ITGB5: variants seen among roughly 807,000 people sequenced by gnomAD.
ITGB5 encodes integrin beta-5.
Under a neutral mutation model 84.8 loss-of-function variants are expected in ITGB5, and 38 were observed. The ratio of observed to expected loss-of-function variants is 0.45; its 90% CI spans 0.35 to 0.59. The LOEUF (loss-of-function observed/expected upper bound fraction) is 0.59, where lower values mean the gene tolerates loss of function less well. Ranked by LOEUF, ITGB5 falls within the 20% of genes least tolerant of loss-of-function variation. The pLI, the probability that ITGB5 is intolerant of heterozygous loss-of-function variation, is 0.01. For synonymous variants in ITGB5, 393 were observed against 414.4 expected (o/e 0.95, Z 0.63); for missense variants, 905 against 1,034.5 (o/e 0.87, Z 1.72).
intron 9 of ITGB5, among the ~76,000 whole-genome samples, chr3:124,807,724 TC>T (rs1279123439): frequency 2.6e-5 from 4 of 151,406 alleles, no homozygotes; most frequent in African/African-American, 9.7e-5. Context: ...GGCGGGTGGA[TC>T]ATGAGGTCAG....
rs995689278 is a variant in ITGB5 at position 124,762,054 on chromosome 3, T to C, written c.*1569A>G. On this transcript the variant is annotated 3_prime_UTR_variant, in exon 15 of 15. Transcript: ENST00000296181. ...ATTTGGCTTTATCCCAAAAAGGGTT[T>C]AACAGTGTCACCAAGTTACCAGGTC... is the stretch of plus-strand genomic sequence containing the variant. The C allele has an allele frequency of 1.1e-4, 17 of 152,192 alleles. No homozygotes were observed. The highest frequency in any genetic ancestry group is 3.9e-4 in the African/African-American group (16 of 41,438). 9.4% of individuals were successfully genotyped at this position (152,192 alleles called of 1,614,324 possible). A position where few individuals can be genotyped will look rare whatever the true frequency, so the allele number is the denominator to read the frequency against.
intron 3 of ITGB5, among the ~76,000 whole-genome samples, chr3:124,848,975 T>C (rs2065115714): frequency 6.6e-6 from 1 of 152,084 alleles, no homozygotes; most frequent in South Asian, 2.1e-4. Flanking sequence ...AGACGGGGTT[T>C]CACTATGTTG....
At chr3:124,827,787 C>T (rs1229374365) in intron 5 of ITGB5, among the ~76,000 whole-genome samples, 2 of 152,150 alleles carry the variant, frequency 1.3e-5, no homozygotes, top group African/African-American at 2.4e-5. Flanking sequence ...TGATGACATT[C>T]CACCACAAAA....
At chr3:124,777,609 C>T (rs1189794293) in intron 10 of ITGB5, among the ~76,000 whole-genome samples, 5 of 152,194 alleles carry the variant, frequency 3.3e-5, no homozygotes, top group African/African-American at 7.2e-5. Flanking sequence ...TGGCAGGCAT[C>T]GCTGTCTCCT....
intron 4 of ITGB5, among the ~76,000 whole-genome samples, chr3:124,846,374 A>T (rs1250305137): frequency 3.3e-5 from 5 of 151,096 alleles, no homozygotes; most frequent in African/African-American, 1.2e-4. Context: ...GAGTTACTGC[A>T]TGGAGAGCTG....
intron 14 of ITGB5, 58 bp from the exon 15 acceptor site, chr3:124,763,776 G>C: frequency 1.0e-6 from 1 of 996,154 alleles, no homozygotes; most frequent in East Asian, 2.4e-5. Flanking sequence ...CACTCAAACC[G>C]ACAGACGCAG....
chr3:124,826,969 T>G lies in ITGB5; in HGVS notation c.781-5495A>C, dbSNP rs552139857. ...GCTTGGAGGCTTTACAAGTGGTGAC[T>G]CCACAGAGTATTTACATTAAAAATA... On this transcript the variant is annotated intron_variant, in intron 5 of 14. Transcript: ENST00000296181. Among the ~76,000 whole-genome samples, 10 of 152,352 alleles carry G rather than the reference T, an allele frequency of 6.6e-5. No individual in the cohort carries two copies. The East Asian group carries it at 1.9e-3, about 29-fold the overall frequency.
rs1459477338 is a variant in ITGB5 at position 124,830,683 on chromosome 3, T to C, written c.781-9209A>G. 2.0e-5 allele frequency among the ~76,000 whole-genome samples: 3 copies of C among 152,138 alleles called. No individual in the cohort carries two copies. The East Asian group carries it at 5.8e-4, about 29-fold the overall frequency. On this transcript the variant is annotated intron_variant, in intron 5 of 14. Transcript: ENST00000296181. The stretch of plus-strand genomic sequence containing the variant: ...TGCCACACTGCTAAGCAGCTCTCCT[T>C]GATAGAAAATTCTTCCTTGGCCGGG...
chr3:124,779,719 G>A (rs370952143), intron 10 of ITGB5, among the ~76,000 whole-genome samples: 11 of 152,166 alleles, frequency 7.2e-5, no homozygotes, highest in East Asian at 3.8e-4. Flanking sequence ...AATGCCTTGC[G>A]GGTAGGGTTG....
chr3:124,880,993 TG>T (rs879487203), intron 1 of ITGB5, among the ~76,000 whole-genome samples: 1,955 of 151,680 alleles, frequency 0.013, 57 homozygotes, highest in African/African-American at 0.043. Flanking sequence ...TTTGTTTGTT[TG>T]TTTGTTTGTT....
At chr3:124,807,585 A>G (rs935244258) in intron 9 of ITGB5, among the ~76,000 whole-genome samples, 10 of 152,218 alleles carry the variant, frequency 6.6e-5, no homozygotes, top group African/African-American at 2.2e-4. Flanking sequence ...CAACTTCCAT[A>G]TGATATTTTG....
At chr3:124,801,398 C>T (rs1382119057) in intron 9 of ITGB5, among the ~76,000 whole-genome samples, 1 of 152,192 alleles carries the variant, frequency 6.6e-6, no homozygotes, top group Admixed American at 6.5e-5. Context: ...TGAGGACATC[C>T]CTGCCCCTCA....
chr3:124,898,663 A>G (rs1484379688), intron 1 of ITGB5, among the ~76,000 whole-genome samples: 13 of 148,260 alleles, frequency 8.8e-5, no homozygotes, highest in East Asian at 1.9e-4. Flanking sequence ...AAAAAAAAAA[A>G]AAAAAAAGAA....
chr3:124,773,547 G>A (rs2063878774), intron 11 of ITGB5, 143 bp downstream of exon 11: 1 of 673,944 alleles, frequency 1.5e-6, no homozygotes, highest in Non-Finnish European at 2.6e-6. Flanking sequence ...CGGTTGGTAA[G>A]AATGCGGCTC....
intron 2 of ITGB5, among the ~76,000 whole-genome samples, chr3:124,865,895 T>C (rs939721605): frequency 2.0e-5 from 3 of 152,234 alleles, no homozygotes; most frequent in Non-Finnish European, 4.4e-5. Flanking sequence ...TGCAACTTAT[T>C]GTAAGCCACC....
intron 9 of ITGB5, among the ~76,000 whole-genome samples, chr3:124,799,951 T>G (rs1488538073): frequency 6.6e-6 from 1 of 152,192 alleles, no homozygotes; most frequent in African/African-American, 2.4e-5. Context: ...GATTTGAGCC[T>G]GCAGATAGGA....
chr3:124,815,429 G>A (rs544681317), intron 8 of ITGB5, among the ~76,000 whole-genome samples: 1 of 152,344 alleles, frequency 6.6e-6, no homozygotes, highest in South Asian at 2.1e-4. Context: ...AAGCCTTAAA[G>A]AGGGACCTCA....
At chr3:124,795,214 G>A (rs902236205) in intron 10 of ITGB5, among the ~76,000 whole-genome samples, 22 of 151,826 alleles carry the variant, frequency 1.4e-4, no homozygotes, top group African/African-American at 3.9e-4. Context: ...ATTCTGGGCC[G>A]GGCACAGTGG....
chr3:124,813,725 T>C (rs115540588), intron 8 of ITGB5, among the ~76,000 whole-genome samples: 2,000 of 152,290 alleles, frequency 0.013, 56 homozygotes, highest in African/African-American at 0.045. Context: ...CAGGAACCTG[T>C]CCCACAGCTT....
Sources: allele counts gnomAD v4.1 joint callset (sites outside exome capture counted in the v4.1 genomes callset), GRCh38; gene constraint gnomAD v4.1.1; transcripts MANE v1.5; gene names NCBI Gene and HGNC (gene_info 2026-07-23, HGNC 2026-07-21).